GLCCI1: variants seen among roughly 807,000 people sequenced by gnomAD.
The protein encoded by GLCCI1 is glucocorticoid induced 1.
In GLCCI1, 24 loss-of-function variants were observed where a neutral mutation model predicts 52.2. The observed-to-expected ratio is 0.46, with a 90% CI of 0.33 to 0.65. The LOEUF (loss-of-function observed/expected upper bound fraction) is 0.65, where lower values mean the gene tolerates loss of function less well. Among genes scored for constraint, GLCCI1 ranks in the 30% least tolerant of loss-of-function variants. GLCCI1 has a pLI of 0.02. For missense variants in GLCCI1, 704 were observed against 701.5 expected, an observed-to-expected ratio of 1.00 and a Z score of -0.04; for synonymous variants, 310 against 276.5, an observed-to-expected ratio of 1.12 and a Z score of -1.20.
chr7:7,970,621 T>A (rs1404290729), intron 1 of GLCCI1: 1 of 152,752 alleles, frequency 6.5e-6, no homozygotes, highest in Non-Finnish European at 1.5e-5. Flanking sequence ...TTTTGTTAGG[T>A]GTCAAAGGTA....
At chr7:8,014,176 A>G (rs919546106) in intron 2 of GLCCI1, among the ~76,000 whole-genome samples, 1 of 152,002 alleles carries the variant, frequency 6.6e-6, no homozygotes, top group African/African-American at 2.4e-5. Flanking sequence ...TTTTTAGTAG[A>G]GACGGGGTTT....
chr7:8,030,141 A>T (rs1781713624), intron 3 of GLCCI1, among the ~76,000 whole-genome samples: 1 of 152,188 alleles, frequency 6.6e-6, no homozygotes, highest in Admixed American at 6.5e-5. Context: ...CTGACTTTAA[A>T]TTCTACTGAA....
chr7:8,022,594 G>T, intron 3 of GLCCI1, 25 bp downstream of exon 3: 2 of 1,491,274 alleles, frequency 1.3e-6, no homozygotes, highest in Non-Finnish European at 1.8e-6. Flanking sequence ...TTTTCCGTCT[G>T]TAACCTGTTT....
rs1783143732 is a variant in GLCCI1 at position 8,087,566 on chromosome 7, A to C, written c.*1028A>C. ...GTTAGCCATCAGGGTCATAACTGTT[A>C]CCATTTTATCTAAAGACATATTTAT... On this transcript the variant is annotated 3_prime_UTR_variant, in exon 8 of 8. Transcript: ENST00000223145. 6.6e-6 allele frequency: 1 copy of C among 152,474 alleles called. No individual in the cohort carries two copies. The allele number at this position is 152,474 out of a possible 1,614,324, so 9.4% of individuals were successfully genotyped here.
intron 3 of GLCCI1, chr7:8,024,884 C>G (rs557055796): frequency 6.6e-6 from 1 of 152,210 alleles, no homozygotes; most frequent in Non-Finnish European, 1.5e-5. Context: ...AGCTCTGTCG[C>G]ATAGCATTTC....
chr7:8,055,632 A>G, intron 4 of GLCCI1, 83 bp downstream of exon 4: 1 of 835,314 alleles, frequency 1.2e-6, no homozygotes. Context: ...ATTTAAAAAA[A>G]CCCATAAATA....
intron 1 of GLCCI1, among the ~76,000 whole-genome samples, chr7:7,999,499 T>G (rs891478817): frequency 6.6e-6 from 1 of 152,070 alleles, no homozygotes; most frequent in African/African-American, 2.4e-5. Flanking sequence ...TCCTAACTAC[T>G]GTAGAGCTGA....
intron 1 of GLCCI1, among the ~76,000 whole-genome samples, chr7:7,989,571 G>C (rs138485099): frequency 0.015 from 2,328 of 152,152 alleles, 22 homozygotes; most frequent in Admixed American, 0.043. Context: ...TCTACTTGAG[G>C]CTCTTCCCAA....
chr7:8,051,279 G>T (rs571947380), intron 3 of GLCCI1, among the ~76,000 whole-genome samples: 2 of 152,188 alleles, frequency 1.3e-5, no homozygotes, highest in African/African-American at 4.8e-5. Context: ...ATTTGCAGAG[G>T]TCTTCTATTT....
chr7:8,002,134 A>G (rs1295899890), intron 1 of GLCCI1, among the ~76,000 whole-genome samples: 1 of 152,212 alleles, frequency 6.6e-6, no homozygotes, highest in Non-Finnish European at 1.5e-5. Context: ...TATGTGCTAA[A>G]TAATATAGAA....
At chr7:8,047,567 C>T (rs2127956648) in intron 3 of GLCCI1, among the ~76,000 whole-genome samples, 2 of 152,258 alleles carry the variant, frequency 1.3e-5, no homozygotes, top group South Asian at 4.1e-4. Flanking sequence ...GGTGACACTG[C>T]ATTAGTTTAT....
intron 3 of GLCCI1, among the ~76,000 whole-genome samples, chr7:8,042,294 C>T (rs1286765675): frequency 6.6e-6 from 1 of 152,128 alleles, no homozygotes; most frequent in East Asian, 1.9e-4. Flanking sequence ...GATAATGATT[C>T]CTTTGATGAA....
intron 1 of GLCCI1, among the ~76,000 whole-genome samples, chr7:7,988,815 C>G (rs1157299825): frequency 6.6e-6 from 1 of 152,156 alleles, no homozygotes; most frequent in Admixed American, 6.5e-5. Context: ...CCTCTTTTCT[C>G]TCCCTCTTGT....
chr7:8,074,184 G>C (rs1299495527), intron 6 of GLCCI1, among the ~76,000 whole-genome samples: 2 of 152,088 alleles, frequency 1.3e-5, no homozygotes, highest in African/African-American at 4.8e-5. Flanking sequence ...CTGTCTTTAA[G>C]GAATTTATAG....
chr7:8,082,995 CTGCTAATGGTATCAAGCTGA>C lies in GLCCI1; in HGVS notation c.1178-1887_1178-1868del, dbSNP rs1307541058. ...AGTGGATCCTTAACTACTGACATGA[CTGCTAATGGTATCAAGCTGA>C]TGCTAATGGTATCAGGCTGATGCTG... On this transcript the variant is annotated intron_variant, in intron 6 of 7. Transcript: ENST00000223145. Among the ~76,000 whole-genome samples the C allele has an allele frequency of 7.2e-5, 11 of 152,324 alleles. No individual in the cohort carries two copies. In the East Asian group the frequency reaches 1.4e-3, roughly 19 times the overall value.
At chr7:8,023,648 G>A (rs1781548746) in intron 3 of GLCCI1, among the ~76,000 whole-genome samples, 1 of 125,372 alleles carries the variant, frequency 8.0e-6, no homozygotes, top group South Asian at 2.5e-4. Context: ...ACCCAGGCTG[G>A]AGGACAGTGG....
intron 1 of GLCCI1, among the ~76,000 whole-genome samples, chr7:8,001,254 C>A (rs1781044429): frequency 6.6e-6 from 1 of 152,172 alleles, no homozygotes; most frequent in African/African-American, 2.4e-5. Context: ...CATCTCTCAA[C>A]ATTTGCTTAT....
At chr7:7,985,398 A>G (rs929266474) in intron 1 of GLCCI1, among the ~76,000 whole-genome samples, 7 of 152,158 alleles carry the variant, frequency 4.6e-5, no homozygotes, top group Admixed American at 1.3e-4. Context: ...TCACTTTTTC[A>G]TAATACTTTA....
chr7:8,035,927 G>C lies in GLCCI1; in HGVS notation c.696+13358G>C, dbSNP rs117068618. Among the ~76,000 whole-genome samples the C allele has an allele frequency of 9.5e-4, 144 of 152,304 alleles. 1 individual carries two copies. Among genetic ancestry groups the C allele is most frequent in the Middle Eastern group, 3.4e-3 (1 of 294 alleles). On this transcript the variant is annotated intron_variant, in intron 3 of 7. Coordinates refer to ENST00000223145, the MANE Select transcript of GLCCI1 (RefSeq NM_138426.4). ...CCACCATTGGAGTATTGAAGAGCAGGCTTGGTGGTTTAGCTCTACCCAGCT... is the reference window on the plus strand; with the variant it reads ...CCACCATTGGAGTATTGAAGAGCAGCCTTGGTGGTTTAGCTCTACCCAGCT...
Sources: allele counts gnomAD v4.1 joint callset (sites outside exome capture counted in the v4.1 genomes callset), GRCh38; gene constraint gnomAD v4.1.1; transcripts MANE v1.5; gene names NCBI Gene and HGNC (gene_info 2026-07-23, HGNC 2026-07-21).